DAGLB: variants seen among roughly 807,000 people sequenced by gnomAD.
The protein encoded by DAGLB is diacylglycerol lipase-beta.
A neutral mutation model predicts 72.1 loss-of-function variants in DAGLB; 66 were observed. That is an observed-to-expected ratio of 0.92 (90% CI 0.75 to 1.12). DAGLB has a LOEUF of 1.12. DAGLB is among the 50% of genes most tolerant of loss of function. DAGLB has a pLI of 0.00. For missense variants in DAGLB, 1,065 were observed against 884.9 expected (o/e 1.20, Z -2.58); for synonymous variants, 414 against 359.5 (o/e 1.15, Z -1.71).
chr7:6,416,333 C>G (rs1296558429), intron 11 of DAGLB: 1 of 245,308 alleles, frequency 4.1e-6, no homozygotes, highest in Non-Finnish European at 7.8e-6. Context: ...CACTTGAGGT[C>G]AGGAGATCAA....
At chr7:6,445,426 T>A (rs928505910) in intron 2 of DAGLB, among the ~76,000 whole-genome samples, 1 of 152,156 alleles carries the variant, frequency 6.6e-6, no homozygotes, top group African/African-American at 2.4e-5. Flanking sequence ...TAGGCAAATG[T>A]ACACAGACAG....
chr7:6,410,102 C>CCCACCACACCCA, intron 14 of DAGLB, 28 bp downstream of exon 14: 16 of 1,576,116 alleles, frequency 1.0e-5, no homozygotes, highest in Non-Finnish European at 1.4e-5. Context: ...CTCCTGCCTG[C>CCCACCACACCCA]CCACCACACC....
At chr7:6,436,089 G>GAA (rs59029211) in intron 3 of DAGLB, among the ~76,000 whole-genome samples, 5 of 109,616 alleles carry the variant, frequency 4.6e-5, no homozygotes, top group African/African-American at 1.3e-4. Flanking sequence ...AAGAAAAAAA[G>GAA]AAAAAAAAAA....
At chr7:6,446,982 C>T (rs1785027269) in intron 1 of DAGLB, among the ~76,000 whole-genome samples, 1 of 152,060 alleles carries the variant, frequency 6.6e-6, no homozygotes, top group African/African-American at 2.4e-5. Context: ...TGCACTCCCG[C>T]CTGGGTAGCA....
intron 5 of DAGLB, among the ~76,000 whole-genome samples, chr7:6,431,828 A>G (rs986909391): frequency 7.9e-5 from 12 of 152,280 alleles, no homozygotes; most frequent in African/African-American, 2.9e-4. Flanking sequence ...ATGGGTTCCC[A>G]CTACCTGAAC....
chr7:6,446,151 C>A, intron 1 of DAGLB, 47 bp from the exon 2 acceptor site: 1 of 1,567,886 alleles, frequency 6.4e-7, no homozygotes, highest in Non-Finnish European at 8.6e-7. Flanking sequence ...ATCCAAGGAG[C>A]TGCTGTGTAG....
In DAGLB at chr7:6,409,628, C is replaced by T; in HGVS notation, c.*209G>A. The T allele has an allele frequency of 3.1e-6, 2 of 642,942 alleles. No individual in the cohort carries two copies. Among genetic ancestry groups the T allele is most frequent in the Non-Finnish European group, 5.3e-6 (2 of 380,136 alleles). The allele number at this position is 642,942 out of a possible 1,614,324, so 39.8% of individuals were successfully genotyped here. A position where few individuals can be genotyped will look rare whatever the true frequency, so the allele number is the denominator to read the frequency against. Reference sequence around the variant, plus strand: ...CTGGGTCTCAGGAGTCGTCCTATCACCTGAGCGTGCTCACTACTTCTGCTA... The same window carrying T: ...CTGGGTCTCAGGAGTCGTCCTATCATCTGAGCGTGCTCACTACTTCTGCTA... On this transcript the variant is annotated 3_prime_UTR_variant, in exon 15 of 15. Transcript: ENST00000297056.
rs368437913 is a variant in DAGLB, at chr7:6,434,754, C to T, written c.678+8G>A. ...AGAAACAGACCAAACCAGATCCCCT[C>T]GGCTTACTGAAAAGTAGGTTGAGAA... On this transcript the variant is annotated splice_region_variant and intron_variant, in intron 4 of 14. Transcript: ENST00000297056. 25 of 1,614,002 alleles carry T rather than the reference C, an allele frequency of 1.5e-5. 2 individuals carry two copies. The highest frequency in any genetic ancestry group is 7.7e-5 in the South Asian group (7 of 91,082).
intron 11 of DAGLB, 76 bp downstream of exon 11, chr7:6,416,551 A>G: frequency 6.6e-7 from 1 of 1,513,894 alleles, no homozygotes; most frequent in Non-Finnish European, 8.8e-7. Flanking sequence ...TCAGGAAAAT[A>G]AAAGAAAAAA....
chr7:6,430,614 G>C lies in DAGLB; in HGVS notation c.802-7C>G. ...CTGCATCCAGATCAGCTTCCTACAA[G>C]AGAAGGACAAAAACTACTGTTTATT... On this transcript the variant is annotated splice_polypyrimidine_tract_variant and splice_region_variant and intron_variant, in intron 5 of 14. Transcript: ENST00000297056. The C allele has an allele frequency of 6.3e-7, 1 of 1,581,234 alleles. No homozygotes were observed. Among genetic ancestry groups the C allele is most frequent in the Non-Finnish European group, 8.6e-7 (1 of 1,159,670 alleles).
chr7:6,444,534 G>A (rs577153052), intron 2 of DAGLB, among the ~76,000 whole-genome samples: 114 of 151,386 alleles, frequency 7.5e-4, no homozygotes, highest in African/African-American at 2.2e-3. Flanking sequence ...CCCAGGAGAC[G>A]GAGGCTGCAG....
chr7:6,431,600 C>T (rs1458225432), intron 5 of DAGLB, among the ~76,000 whole-genome samples: 1 of 151,954 alleles, frequency 6.6e-6, no homozygotes, highest in Non-Finnish European at 1.5e-5. Flanking sequence ...GGTGAAACCC[C>T]GTCTCTGCTA....
At chr7:6,424,938 G>A (rs767629671) in intron 7 of DAGLB, 103 bp from the exon 8 acceptor site, 26 of 1,130,646 alleles carry the variant, frequency 2.3e-5, no homozygotes, top group South Asian at 1.3e-4. Flanking sequence ...CAAGTCCTGC[G>A]GCACAGAGAG....
intron 7 of DAGLB, among the ~76,000 whole-genome samples, chr7:6,425,185 C>T (rs1467534553): frequency 2.0e-5 from 3 of 152,228 alleles, no homozygotes; most frequent in East Asian, 1.9e-4. Context: ...CGCCGATCTG[C>T]GCCAGCAGGC....
intron 6 of DAGLB, among the ~76,000 whole-genome samples, 192 bp downstream of exon 6, chr7:6,430,288 G>GGGGA (rs1231670088): frequency 2.2e-5 from 2 of 92,718 alleles, no homozygotes; most frequent in Non-Finnish European, 4.4e-5. Flanking sequence ...TATATGCAGG[G>GGGGA]GGGAGGGAGG....
chr7:6,435,665 G>A (rs1012750672), intron 3 of DAGLB, among the ~76,000 whole-genome samples: 1 of 152,082 alleles, frequency 6.6e-6, no homozygotes, highest in East Asian at 1.9e-4. Context: ...CTTCCCCTTC[G>A]GTGCCTCAGG....
Position 6,409,937 on chromosome 7 carries a change from A to C in DAGLB, c.1919T>G (p.Met640Arg), listed in dbSNP as rs1379579301. 2 of 1,614,026 alleles carry C rather than the reference A, an allele frequency of 1.2e-6. No homozygotes were observed. Among genetic ancestry groups the C allele is most frequent in the Non-Finnish European group, 1.7e-6 (2 of 1,180,050 alleles). Reference protein sequence around the residue: ...LIGPKMLTDHMPDILMRALDS... With the variant: ...LIGPKMLTDHRPDILMRALDS... ...CAAGGCCCGCATCAGGATGTCTGGC[A>C]TGTGGTCGGTGAGCATCTTCGGACC... is the stretch of plus-strand genomic sequence containing the variant. The change falls in exon 15 of 15, where the codon ATG (methionine) becomes AGG (arginine). Residue 640 changes from methionine to arginine, a missense_variant. Transcript: ENST00000297056.
intron 7 of DAGLB, 61 bp from the exon 8 acceptor site, chr7:6,424,896 G>A (rs1366365065): frequency 1.3e-6 from 2 of 1,552,292 alleles, no homozygotes; most frequent in Non-Finnish European, 1.8e-6. Context: ...AGCACGCAAA[G>A]TCGGAGCCCT....
At chr7:6,416,507 C>G in intron 11 of DAGLB, 120 bp downstream of exon 11, 1 of 1,442,402 alleles carries the variant, frequency 6.9e-7, no homozygotes, top group Admixed American at 2.4e-5. Context: ...CACGCCACTG[C>G]ACTCCAGCCT....
Sources: allele counts gnomAD v4.1 joint callset (sites outside exome capture counted in the v4.1 genomes callset), GRCh38; gene constraint gnomAD v4.1.1; transcripts MANE v1.5; gene names NCBI Gene and HGNC (gene_info 2026-07-23, HGNC 2026-07-21).